FMN2: variants seen among roughly 807,000 people sequenced by gnomAD.
The protein encoded by FMN2 is formin-2.
In FMN2, 51 loss-of-function variants were observed where a neutral mutation model predicts 142.3. The observed-to-expected ratio is 0.36, with a 90% confidence interval of 0.29 to 0.45. FMN2 has a LOEUF of 0.45. Ranked by LOEUF, FMN2 falls within the 20% of genes least tolerant of loss-of-function variation. The pLI is 1.00. For synonymous variants in FMN2, 882 were observed against 869.8 expected (o/e 1.01, Z -0.25); for missense variants, 1,936 against 2,122.8 (o/e 0.91, Z 1.73).
In FMN2 at chr1:240,320,062, A is replaced by G. The variant is rs75313553; in HGVS notation, c.4216-9014A>G. On this transcript the variant is annotated intron_variant, in intron 8 of 17. Transcript: ENST00000319653. Reference sequence around the variant, plus strand: ...TGCGCTGGCTGGTGGTGACTGGTGAAAGCATCCAGGTTAGCAGCAACTGGG... The same window carrying G: ...TGCGCTGGCTGGTGGTGACTGGTGAGAGCATCCAGGTTAGCAGCAACTGGG... Among the ~76,000 whole-genome samples, 398 of 152,306 alleles carry G rather than the reference A, an allele frequency of 2.6e-3. 1 individual carries two copies. Among genetic ancestry groups the G allele is most frequent in the African/African-American group, 9.2e-3 (381 of 41,556 alleles).
At chr1:240,247,502 CAA>C (rs113817304) in intron 6 of FMN2, among the ~76,000 whole-genome samples, 60 of 107,938 alleles carry the variant, frequency 5.6e-4, no homozygotes, top group Non-Finnish European at 7.0e-4. Context: ...AACTCCATTT[CAA>C]AAAAAAAAAA....
chr1:240,096,088 A>G (rs1343321174), intron 1 of FMN2, among the ~76,000 whole-genome samples: 2 of 152,208 alleles, frequency 1.3e-5, no homozygotes, highest in Non-Finnish European at 2.9e-5. Flanking sequence ...GAAAATGTAG[A>G]TAGAGAAAGA....
At chr1:240,460,779 TTTTG>T (rs1460490877) in intron 16 of FMN2, among the ~76,000 whole-genome samples, 7 of 152,134 alleles carry the variant, frequency 4.6e-5, no homozygotes, top group Admixed American at 6.6e-5. Context: ...TAAATATTGT[TTTTG>T]TTTGTTTAAT....
intron 11 of FMN2, among the ~76,000 whole-genome samples, chr1:240,332,304 G>A (rs547706403): frequency 1.5e-3 from 233 of 151,558 alleles, no homozygotes; most frequent in African/African-American, 5.3e-3. Context: ...GCATGAGCCC[G>A]TAATCCCAGC....
intron 15 of FMN2, among the ~76,000 whole-genome samples, chr1:240,402,008 C>G (rs1674010107): frequency 6.6e-6 from 1 of 152,226 alleles, no homozygotes; most frequent in Admixed American, 6.5e-5. Context: ...AAAGCTTCTT[C>G]AAGTGTGGCT....
rs542395036 is a variant in FMN2, at chr1:240,456,482, G to A, written c.5061-15890G>A. Among the ~76,000 whole-genome samples, 97 of 152,224 alleles carry A rather than the reference G, an allele frequency of 6.4e-4. 1 individual carries two copies. In the South Asian group the frequency reaches 8.9e-3, roughly 14 times the overall value. On this transcript the variant is annotated intron_variant, in intron 16 of 17. Coordinates refer to ENST00000319653, the MANE Select transcript of FMN2 (RefSeq NM_020066.5). ...ATTTTTTATTTTTATTTGAGACGGA[G>A]TTTCGCTCTTGTTGCCCAGGCTGGA...
intron 8 of FMN2, among the ~76,000 whole-genome samples, chr1:240,319,914 G>T (rs1446283408): frequency 2.0e-5 from 3 of 152,132 alleles, no homozygotes; most frequent in Non-Finnish European, 4.4e-5. Flanking sequence ...TGCCTATAGC[G>T]TTAATGATTT....
chr1:240,375,974 A>T (rs979594696), intron 14 of FMN2, among the ~76,000 whole-genome samples: 3 of 151,986 alleles, frequency 2.0e-5, no homozygotes, highest in African/African-American at 2.4e-5. Context: ...TAGTTTTTGC[A>T]TTATGTATTT....
In FMN2 at chr1:240,471,210, C is replaced by CT. The variant is rs557949550; in HGVS notation, c.5061-1156dup. Among the ~76,000 whole-genome samples the CT allele has an allele frequency of 8.5e-5, 13 of 152,248 alleles. No individual in the cohort carries two copies. In the South Asian group the frequency reaches 2.5e-3, roughly 29 times the overall value. On this transcript the variant is annotated intron_variant, in intron 16 of 17. Coordinates refer to ENST00000319653, the MANE Select transcript of FMN2 (RefSeq NM_020066.5). The stretch of plus-strand genomic sequence containing the variant: ...TTAAAATGTTATTACTGCTCACTCT[C>CT]TTTTTTGTTATCAAATGATTGGTTC...
chr1:240,307,285 A>T (rs1399569435), intron 8 of FMN2, among the ~76,000 whole-genome samples: 1 of 151,972 alleles, frequency 6.6e-6, no homozygotes, highest in African/African-American at 2.4e-5. Flanking sequence ...GTTTTGTTGC[A>T]TTTGTTTTTA....
intron 6 of FMN2, among the ~76,000 whole-genome samples, chr1:240,225,526 A>G (rs1215854661): frequency 6.6e-6 from 1 of 152,248 alleles, no homozygotes; most frequent in Non-Finnish European, 1.5e-5. Context: ...GAGCCTAGTG[A>G]AGTAACCAAG....
chr1:240,424,475 T>A (rs1291012639), intron 15 of FMN2, among the ~76,000 whole-genome samples: 2 of 152,170 alleles, frequency 1.3e-5, no homozygotes, highest in Non-Finnish European at 2.9e-5. Context: ...ATGAGTTATC[T>A]CATAATTATG....
At position 240,327,947 on chromosome 1, in the gene FMN2, G is replaced by T. The variant is rs1247872168; in HGVS notation, c.4216-1129G>T. On this transcript the variant is annotated intron_variant, in intron 8 of 17. Transcript: ENST00000319653. ...GGATCACCTGAGGTCAGGAGTTCAA[G>T]ATTAGCCTGGCCAACATGGTGAAAC... 2.6e-5 allele frequency among the ~76,000 whole-genome samples: 4 copies of T among 151,844 alleles called. No homozygotes were observed. In the East Asian group the frequency reaches 7.8e-4, roughly 29 times the overall value.
chr1:240,351,530 G>A, intron 13 of FMN2, among the ~76,000 whole-genome samples: 1 of 152,296 alleles, frequency 6.6e-6, no homozygotes, highest in African/African-American at 2.4e-5. Flanking sequence ...AGAAAAAATA[G>A]TTTTTGCATG....
In FMN2 at chr1:240,152,688, G is replaced by T. The variant is rs1360935588; in HGVS notation, c.1783-25233G>T. Reference sequence around the variant, plus strand: ...ATCCCGAGAAACTAATGTCATGCTAGAATACCAATCTATGAAATTCTATTT... The same window carrying T: ...ATCCCGAGAAACTAATGTCATGCTATAATACCAATCTATGAAATTCTATTT... On this transcript the variant is annotated intron_variant, in intron 2 of 17. Transcript: ENST00000319653. 5.9e-5 allele frequency among the ~76,000 whole-genome samples: 9 copies of T among 152,280 alleles called. No homozygotes were observed. The East Asian group carries it at 1.7e-3, about 29-fold the overall frequency.
intron 3 of FMN2, among the ~76,000 whole-genome samples, chr1:240,187,048 C>T (rs1330214471): frequency 6.7e-6 from 1 of 149,144 alleles, no homozygotes; most frequent in Non-Finnish European, 1.5e-5. Context: ...GGGCGGATCA[C>T]GAGGTCAGGA....
chr1:240,440,994 CTTTTTTTTT>C (rs11358093), intron 16 of FMN2, among the ~76,000 whole-genome samples: 1 of 127,506 alleles, frequency 7.8e-6, no homozygotes, highest in Non-Finnish European at 1.6e-5. Context: ...TTGGTGTAAA[CTTTTTTTTT>C]TTTTTTTTTT....
At chr1:240,436,469 G>T (rs1004088834) in intron 15 of FMN2, among the ~76,000 whole-genome samples, 1 of 152,106 alleles carries the variant, frequency 6.6e-6, no homozygotes, top group Non-Finnish European at 1.5e-5. Context: ...ACGTGTGAAT[G>T]CTCTGACTCT....
intron 7 of FMN2, among the ~76,000 whole-genome samples, chr1:240,267,989 G>T (rs2102914653): frequency 6.6e-6 from 1 of 152,050 alleles, no homozygotes; most frequent in Non-Finnish European, 1.5e-5. Flanking sequence ...CAGAGCAACA[G>T]ATACTAGCGA....
Sources: allele counts gnomAD v4.1 joint callset (sites outside exome capture counted in the v4.1 genomes callset), GRCh38; gene constraint gnomAD v4.1.1; transcripts MANE v1.5; gene names NCBI Gene and HGNC (gene_info 2026-07-23, HGNC 2026-07-21).